Variants in STPG4 observed in about 807,000 individuals in gnomAD.
STPG4 encodes the protein sperm-tail PG-rich repeat containing 4.
In STPG4, 41 loss-of-function variants were observed where a neutral mutation model predicts 31.5. That is an observed-to-expected ratio of 1.30 (90% CI 1.01 to 1.69). The LOEUF (loss-of-function observed/expected upper bound fraction) is 1.69, where lower values mean the gene tolerates loss of function less well. STPG4 is among the 40% of genes most tolerant of loss of function. STPG4 has a pLI of 0.00. For missense variants in STPG4, 375 were observed against 293.4 expected, an observed-to-expected ratio of 1.28 and a Z score of -2.03; for synonymous variants, 141 against 103.0, an observed-to-expected ratio of 1.37 and a Z score of -2.24.
At chr2:47,134,070 C>G (rs1318960734) in intron 3 of STPG4, among the ~76,000 whole-genome samples, 2 of 126,412 alleles carry the variant, frequency 1.6e-5, no homozygotes, top group East Asian at 2.0e-4. Context: ...ATATACTTGA[C>G]TTTATTTAGA....
At chr2:47,116,441 CTAGT>C (rs377482796) in intron 5 of STPG4, among the ~76,000 whole-genome samples, 96 of 152,292 alleles carry the variant, frequency 6.3e-4, no homozygotes, top group African/African-American at 1.8e-3. Context: ...ACGTATTTTA[CTAGT>C]TAAACATCTG....
At chr2:47,092,632 A>C (rs1167243346) in intron 5 of STPG4, among the ~76,000 whole-genome samples, 29 of 100,676 alleles carry the variant, frequency 2.9e-4, no homozygotes, top group Non-Finnish European at 5.3e-4. Flanking sequence ...AAGGGAGCAG[A>C]GGGGAGAGGA....
At chr2:47,115,365 T>C (rs1686123875) in intron 5 of STPG4, among the ~76,000 whole-genome samples, 1 of 152,180 alleles carries the variant, frequency 6.6e-6, no homozygotes, top group Non-Finnish European at 1.5e-5. Flanking sequence ...TCTTTCTGGA[T>C]CTGCTCCTTT....
chr2:47,098,799 G>T (rs1191723581), intron 5 of STPG4, among the ~76,000 whole-genome samples: 1 of 150,196 alleles, frequency 6.7e-6, no homozygotes, highest in Non-Finnish European at 1.5e-5. Context: ...ACAGAATCCT[G>T]TGTGGAGGTG....
At chr2:47,140,648 T>A (rs910255326) in intron 3 of STPG4, among the ~76,000 whole-genome samples, 1 of 152,168 alleles carries the variant, frequency 6.6e-6, no homozygotes, top group African/African-American at 2.4e-5. Flanking sequence ...CTAAAATAAT[T>A]GTTGATTTTT....
chr2:47,134,340 T>A (rs1202610794), intron 3 of STPG4, among the ~76,000 whole-genome samples: 1 of 152,190 alleles, frequency 6.6e-6, no homozygotes, highest in Non-Finnish European at 1.5e-5. Context: ...GCCCTAAAAA[T>A]CCTGTGTTCT....
intron 5 of STPG4, among the ~76,000 whole-genome samples, chr2:47,117,334 C>A (rs935834711): frequency 1.3e-5 from 2 of 152,138 alleles, no homozygotes; most frequent in Non-Finnish European, 2.9e-5. Context: ...CTCACCCTCC[C>A]GAGTAGCTGG....
intron 3 of STPG4, among the ~76,000 whole-genome samples, chr2:47,138,876 G>A (rs1686650568): frequency 6.6e-6 from 1 of 152,078 alleles, no homozygotes; most frequent in African/African-American, 2.4e-5. Context: ...GTAGAGACGG[G>A]GTTTCACCAT....
rs746852619 is a variant in STPG4 at position 47,129,924 on chromosome 2, G to A, written c.519+17C>T. Reference sequence around the variant, plus strand: ...ACATCAAATTCATCATGAGTTAACTGTCTACATTATACTTACGGGAATAAA... The same window carrying A: ...ACATCAAATTCATCATGAGTTAACTATCTACATTATACTTACGGGAATAAA... On this transcript the variant is annotated intron_variant, in intron 5 of 6. Coordinates refer to ENST00000445927, the MANE Select transcript of STPG4 (RefSeq NM_001163561.2). 1.9e-6 allele frequency: 3 copies of A among 1,610,108 alleles called. No individual in the cohort carries two copies. Among genetic ancestry groups the A allele is most frequent in the African/African-American group, 2.7e-5 (2 of 74,616 alleles).
At chr2:47,091,222 C>A (rs539503048) in intron 5 of STPG4, among the ~76,000 whole-genome samples, 1 of 152,144 alleles carries the variant, frequency 6.6e-6, no homozygotes, top group Non-Finnish European at 1.5e-5. Flanking sequence ...TAACAACAAG[C>A]ACAAGCACTC....
At chr2:47,105,890 T>G (rs1022158780) in intron 5 of STPG4, among the ~76,000 whole-genome samples, 1 of 152,024 alleles carries the variant, frequency 6.6e-6, no homozygotes, top group African/African-American at 2.4e-5. Flanking sequence ...GAAACCCCCA[T>G]TAAATACCAC....
At chr2:47,101,037 C>T (rs928211460) in intron 5 of STPG4, among the ~76,000 whole-genome samples, 13 of 151,858 alleles carry the variant, frequency 8.6e-5, no homozygotes, top group South Asian at 2.1e-4. Context: ...AATCGCCAAG[C>T]GGTGAGACCA....
intron 5 of STPG4, among the ~76,000 whole-genome samples, chr2:47,097,481 T>C (rs1006765047): frequency 2.2e-4 from 34 of 152,220 alleles, no homozygotes; most frequent in African/African-American, 7.2e-4. Flanking sequence ...GGCTTCTTCC[T>C]CAGGGATGGG....
At chr2:47,102,463 A>C (rs1455243809) in intron 5 of STPG4, among the ~76,000 whole-genome samples, 2 of 151,850 alleles carry the variant, frequency 1.3e-5, no homozygotes, top group Non-Finnish European at 2.9e-5. Flanking sequence ...ATCTGAGGGA[A>C]GTACAAATTA....
At chr2:47,152,773 A>G (rs899641221) in intron 2 of STPG4, among the ~76,000 whole-genome samples, 184 bp downstream of exon 2, 2 of 152,254 alleles carry the variant, frequency 1.3e-5, no homozygotes, top group African/African-American at 2.4e-5. Flanking sequence ...ATTGCATTCA[A>G]AATTAAAAGT....
At position 47,101,528 on chromosome 2, in the gene STPG4, C is replaced by T. The variant is rs377738780; in HGVS notation, c.520-11154G>A. On this transcript the variant is annotated intron_variant, in intron 5 of 6. Transcript: ENST00000445927. ...CTCTTCTCTGAGGTTAGTCCCGCTT[C>T]TAAAAATTGCTACCTGTCTCTGGTG... 1.2e-3 allele frequency among the ~76,000 whole-genome samples: 177 copies of T among 151,956 alleles called. 1 individual carries two copies. The highest frequency in any genetic ancestry group is 4.1e-3 in the African/African-American group (169 of 41,280).
At chr2:47,103,194 C>A (rs2347612) in intron 5 of STPG4, among the ~76,000 whole-genome samples, 1 of 151,624 alleles carries the variant, frequency 6.6e-6, no homozygotes, top group Non-Finnish European at 1.5e-5. Flanking sequence ...CTAAGGAGAA[C>A]TAGAAAAAAG....
intron 3 of STPG4, among the ~76,000 whole-genome samples, chr2:47,136,347 T>C (rs969897999): frequency 6.6e-6 from 1 of 152,006 alleles, no homozygotes; most frequent in African/African-American, 2.4e-5. Flanking sequence ...GGGGTTTCAC[T>C]ATGTTGGCCA....
intron 5 of STPG4, among the ~76,000 whole-genome samples, chr2:47,102,168 C>A (rs1479731518): frequency 7.2e-6 from 1 of 137,960 alleles, no homozygotes; most frequent in Non-Finnish European, 1.6e-5. Flanking sequence ...GGTTCTTGGG[C>A]AGGGGTTGTT....
Sources: allele counts gnomAD v4.1 joint callset (sites outside exome capture counted in the v4.1 genomes callset), GRCh38; gene constraint gnomAD v4.1.1; transcripts MANE v1.5; gene names NCBI Gene and HGNC (gene_info 2026-07-23, HGNC 2026-07-21).